The following TSC2 variants were observed in gnomAD, a reference collection of about 807,000 sequenced individuals.
The protein encoded by TSC2 is tuberin.
In TSC2, 29 loss-of-function variants were observed where a neutral mutation model predicts 202.2. That is an observed-to-expected ratio of 0.14 (90% confidence interval 0.11 to 0.20). The LOEUF (loss-of-function observed/expected upper bound fraction) is 0.20. Ranked by LOEUF, TSC2 falls within the 10% of genes least tolerant of loss-of-function variation. The pLI, the probability that TSC2 is intolerant of heterozygous loss-of-function variation, is 1.00. For synonymous variants in TSC2, 1,349 were observed against 1,044.0 expected, an observed-to-expected ratio of 1.29 and a Z score of -5.63; for missense variants, 2,429 against 2,420.0, an observed-to-expected ratio of 1.00 and a Z score of -0.08.
rs536065645 is a variant in TSC2, at chr16:2,088,711, C to T, written c.*101C>T. On this transcript the variant is annotated 3_prime_UTR_variant, in exon 42 of 42. Coordinates refer to ENST00000219476, the MANE Select transcript of TSC2 (RefSeq NM_000548.5). ...TGCACAGACATAGAGGCACAGATTG[C>T]AGTCAGACAGCTCTTTTATTGACTT... 94 of 1,435,744 alleles carry T rather than the reference C, an allele frequency of 6.5e-5. No homozygotes were observed. In the African/African-American group the frequency reaches 9.8e-4, roughly 15 times the overall value. The allele number at this position is 1,435,744 out of a possible 1,614,324, so 88.9% of individuals were successfully genotyped here.
At chr16:2,072,398 C>G (rs1358377844) in intron 20 of TSC2, 35 bp downstream of exon 20, 1 of 1,612,260 alleles carries the variant, frequency 6.2e-7, no homozygotes, top group Middle Eastern at 1.7e-4. Flanking sequence ...GGTGGGGGAC[C>G]CAGTAGGGTT....
At chr16:2,078,563 C>T (rs1228534254) in intron 26 of TSC2, 1 of 265,368 alleles carries the variant, frequency 3.8e-6, no homozygotes, top group Non-Finnish European at 7.4e-6. Context: ...AAGCCTCTTC[C>T]CTGTCACTGG....
intron 11 of TSC2, chr16:2,061,635 T>G: frequency 1.7e-6 from 1 of 602,612 alleles, no homozygotes; most frequent in Non-Finnish European, 3.0e-6. Flanking sequence ...TGAGAGGATC[T>G]GGGGGGTGTC....
chr16:2,088,480 T>TACC lies in TSC2; in HGVS notation c.5295_5297dup (p.Pro1766dup). 1 of 1,612,828 alleles carries TACC rather than the reference T, an allele frequency of 6.2e-7. No homozygotes were observed. Among genetic ancestry groups the TACC allele is most frequent in the South Asian group, 1.1e-5 (1 of 91,084 alleles). The stretch of plus-strand genomic sequence containing the variant: ...GAAGCCGCCTACTCCAACCCCAGCC[T>TACC]ACCTCTGGTGCACCCTCCGTCCCAT... On this transcript the variant is annotated inframe_insertion, in exon 42 of 42. Coordinates refer to ENST00000219476, the MANE Select transcript of TSC2 (RefSeq NM_000548.5).
rs1596312329 is a variant in TSC2, at chr16:2,064,388, C to T, written c.1560C>T (p.His520=). The T allele has an allele frequency of 6.2e-7, 1 of 1,613,766 alleles. No homozygotes were observed. The highest frequency in any genetic ancestry group is 8.5e-7 in the Non-Finnish European group (1 of 1,180,034). The change falls in exon 15 of 42, where the codon CAC becomes CAT. Residue 520 remains histidine, a synonymous_variant. Coordinates refer to ENST00000219476, the MANE Select transcript of TSC2 (RefSeq NM_000548.5). The stretch of plus-strand genomic sequence containing the variant: ...TGGTGGACCTGGCAGAGGGCTGCCA[C>T]ACACACCACTTCAACAGCCTGCTGG... The part of the protein sequence containing the change: ...QLLVDLAEGC[H]THHFNSLLDI...
Position 2,087,954 on chromosome 16 carries a change from G to GGGGCCCTGCAGTGCAGGAAAGGTA in TSC2, c.5068+19_5068+42dup, listed in dbSNP as rs1567128747. 1.9e-6 allele frequency: 3 copies of GGGGCCCTGCAGTGCAGGAAAGGTA among 1,605,062 alleles called. No homozygotes were observed. The African/African-American group carries it at 4.0e-5, about 22-fold the overall frequency. On this transcript the variant is annotated intron_variant, in intron 39 of 41. Coordinates refer to ENST00000219476, the MANE Select transcript of TSC2 (RefSeq NM_000548.5). ...CAGTGCAGGAAAGGTAGGGCCGGGT[G>GGGGCCCTGCAGTGCAGGAAAGGTA]GGGCCCTGCAGTGCAGGAAAGGTAG...
intron 14 of TSC2, chr16:2,063,430 C>G (rs1381350753): frequency 1.6e-5 from 6 of 373,270 alleles, no homozygotes; most frequent in Non-Finnish European, 3.1e-5. Flanking sequence ...TGCGTGATCG[C>G]CAGCCCTGCC....
Position 2,076,498 on chromosome 16 carries a change from G to C in TSC2, c.2750G>C (p.Arg917Pro), listed in dbSNP as rs397515046. ...GTGTGCTCACTCTGCCAGGGCCTGC[G>C]GTCCAATGTCCTCTTGTCTTTTGAT... ...DFVPFITKGL[R>P]SNVLLSFDDT... The change falls in exon 25 of 42, where the codon CGG becomes CCG. Residue 917 changes from arginine (R) to proline (P), a missense_variant. Physicochemically the swap from Arg to Pro is moderately radical, Grantham distance 103. Coordinates refer to ENST00000219476, the MANE Select transcript of TSC2 (RefSeq NM_000548.5). 1 of 1,613,490 alleles carries C rather than the reference G, an allele frequency of 6.2e-7. No individual in the cohort carries two copies. The highest frequency in any genetic ancestry group is 8.5e-7 in the Non-Finnish European group (1 of 1,179,980).
chr16:2,088,462 C>T lies in TSC2; in HGVS notation c.5276C>T (p.Ala1759Val), dbSNP rs45477298. The T allele has an allele frequency of 1.9e-5, 31 of 1,612,756 alleles. No individual in the cohort carries two copies. In the South Asian group the frequency reaches 3.0e-4, roughly 15 times the overall value. Residue 1759 changes from alanine to valine, a missense_variant, in exon 42 of 42, where the codon GCC becomes GTC. Transcript: ENST00000219476. ...RLRQRICEEA[A>V]YSNPSLPLVH... ...TGCCTTCAGATCTGCGAGGAAGCCGCCTACTCCAACCCCAGCCTACCTCTG... is the reference window on the plus strand; with the variant it reads ...TGCCTTCAGATCTGCGAGGAAGCCGTCTACTCCAACCCCAGCCTACCTCTG...
Position 2,084,171 on chromosome 16 carries a change from C to T in TSC2, c.4006-57C>T, listed in dbSNP as rs1289611815. The T allele has an allele frequency of 2.6e-6, 4 of 1,550,586 alleles. No homozygotes were observed. In the Admixed American group the frequency reaches 5.9e-5, roughly 23 times the overall value. On this transcript the variant is annotated intron_variant, in intron 33 of 41. Coordinates refer to ENST00000219476, the MANE Select transcript of TSC2 (RefSeq NM_000548.5). ...GGCCTCACCACCTCCAGGTCAACCC[C>T]AGGTGGGCTCGAGGGTGCCTGCTGA...
At position 2,084,238 on chromosome 16, in the gene TSC2, T is replaced by G; in HGVS notation, c.4016T>G (p.Val1339Gly). 1 of 1,594,362 alleles carries G rather than the reference T, an allele frequency of 6.3e-7. No homozygotes were observed. The highest frequency in any genetic ancestry group is 2.3e-5 in the East Asian group (1 of 43,830). Residue 1339 changes from valine to glycine, a missense_variant, in exon 34 of 42, where the codon GTC becomes GGC. Physicochemically the swap from Val to Gly is moderately radical, Grantham distance 109. Coordinates refer to ENST00000219476, the MANE Select transcript of TSC2 (RefSeq NM_000548.5). ...RTDAYSRSSSVSSQEEKSLHA... is the reference protein window; with the variant it reads ...RTDAYSRSSSGSSQEEKSLHA... ...GATGGTCCTTTCTAGTCGTCCTCAG[T>G]CTCCAGCCAGGAGGAGAAGTCGCTC...
At chr16:2,073,520 G>A (rs574156837) in intron 21 of TSC2, among the ~76,000 whole-genome samples, 38 of 152,290 alleles carry the variant, frequency 2.5e-4, no homozygotes, top group Non-Finnish European at 4.1e-4. Context: ...GCCAGGAGAT[G>A]CTGACTCTGA....
chr16:2,086,357 C>A lies in TSC2; in HGVS notation c.4827C>A (p.Cys1609Ter), dbSNP rs1179490369. 6.2e-7 allele frequency: 1 copy of A among 1,612,822 alleles called. No homozygotes were observed. The highest frequency in any genetic ancestry group is 2.2e-5 in the East Asian group (1 of 44,880). Residue 1609 changes from cysteine (C) to a stop codon, truncating the protein, a stop_gained, in exon 37 of 42, where the codon TGC becomes TGA. Coordinates refer to ENST00000219476, the MANE Select transcript of TSC2 (RefSeq NM_000548.5). LOFTEE classifies it high-confidence loss of function. ...GTGAGGACGGCCAGTTCACCTACTG[C>A]TGGCACGATGACATCATGCAAGGTA... The part of the protein sequence containing the change: ...VCGEDGQFTY[C>*]WHDDIMQAVF...
At chr16:2,051,743 C>T (rs902324161) in intron 3 of TSC2, among the ~76,000 whole-genome samples, 3 of 152,102 alleles carry the variant, frequency 2.0e-5, no homozygotes, top group Admixed American at 6.6e-5. Flanking sequence ...ACGTGCTGGC[C>T]GTACGCTACC....
intron 11 of TSC2, chr16:2,061,666 T>C: frequency 1.3e-6 from 1 of 765,278 alleles, no homozygotes; most frequent in South Asian, 1.6e-5. Context: ...TGGGTCAGGG[T>C]GGCCCCTGGA....
chr16:2,065,134 C>G, intron 15 of TSC2: 1 of 194,260 alleles, frequency 5.1e-6, no homozygotes, highest in South Asian at 8.7e-5. Context: ...AAAAAAAGGG[C>G]CGGGCACGGT....
chr16:2,050,823 G>T (rs1015578187), intron 3 of TSC2, among the ~76,000 whole-genome samples: 3 of 151,714 alleles, frequency 2.0e-5, no homozygotes, highest in African/African-American at 7.3e-5. Flanking sequence ...TCCTGACCTC[G>T]TGAACCATAT....
Position 2,085,073 on chromosome 16 carries a change from G to A in TSC2, c.4569+47G>A, listed in dbSNP as rs45517351. 3.4e-3 allele frequency: 5,515 copies of A among 1,610,572 alleles called. 136 individuals carry two copies. In the African/African-American group the frequency reaches 0.059, roughly 17 times the overall value. On this transcript the variant is annotated intron_variant, in intron 35 of 41. Coordinates refer to ENST00000219476, the MANE Select transcript of TSC2 (RefSeq NM_000548.5). ...TGCATCCGCTGGAGCTGTGTGGCTC[G>A]GGTGAATGGTGGGGGGCCCAGCTCT...
chr16:2,053,315 C>G (rs1325021704), intron 3 of TSC2, 27 bp from the exon 4 acceptor site: 25 of 1,554,320 alleles, frequency 1.6e-5, no homozygotes, highest in Non-Finnish European at 2.0e-5. Context: ...AGCACATCCT[C>G]ACCGCTGTCC....
Sources: gnomAD v4.1 joint callset for allele counts (sites outside exome capture counted in the v4.1 genomes callset) on GRCh38, gnomAD v4.1.1 for gene constraint, MANE v1.5 for transcripts, NCBI Gene and HGNC (gene_info 2026-07-23, HGNC 2026-07-21) for gene names.